ZFP69: variants seen among roughly 807,000 people sequenced by gnomAD.
ZFP69 encodes zinc finger protein 69 homolog.
Under a neutral mutation model 48.9 loss-of-function variants are expected in ZFP69, and 35 were observed. That is an observed-to-expected ratio of 0.72 (90% confidence interval 0.55 to 0.95). The LOEUF (loss-of-function observed/expected upper bound fraction) is 0.95. Among genes scored for constraint, ZFP69 ranks in the 40% least tolerant of loss-of-function variants. The pLI, the probability that ZFP69 is intolerant of heterozygous loss-of-function variation, is 0.00. For missense variants in ZFP69, 557 were observed against 638.4 expected (o/e 0.87, Z 1.37); for synonymous variants, 193 against 216.8 (o/e 0.89, Z 0.96).
intron 4 of ZFP69, 114 bp downstream of exon 4, chr1:40,489,328 G>A (rs1645538923): frequency 1.4e-6 from 2 of 1,408,912 alleles, no homozygotes; most frequent in East Asian, 2.3e-5. Context: ...TATTAAAGAT[G>A]TCTTATTCCC....
At position 40,494,813 on chromosome 1, in the gene ZFP69, A is replaced by G; in HGVS notation, c.443-108A>G. On this transcript the variant is annotated intron_variant, in intron 5 of 5. Coordinates refer to ENST00000372706, the MANE Select transcript of ZFP69 (RefSeq NM_001320179.2). ...TTACCTCTCCAAGCAGCATAATCAT[A>G]TTTAAATATAGTCAAAATCTCATGC... The G allele has an allele frequency of 1.6e-5, 16 of 975,182 alleles. 1 individual carries two copies. In the South Asian group the frequency reaches 3.0e-4, roughly 18 times the overall value. 60.4% of individuals were successfully genotyped at this position (975,182 alleles called of 1,614,324 possible).
chr1:40,483,351 T>C (rs750013978), intron 3 of ZFP69, among the ~76,000 whole-genome samples: 6 of 150,940 alleles, frequency 4.0e-5, no homozygotes, highest in Non-Finnish European at 5.9e-5. Flanking sequence ...TGCCTAAGCC[T>C]CCCAAGTAGC....
At position 40,491,763 on chromosome 1, in the gene ZFP69, A is replaced by ATATATGTGTG. The variant is rs1553129548; in HGVS notation, c.442+2140_442+2141insATATGTGTGT. Among the ~76,000 whole-genome samples, 4 of 129,448 alleles carry ATATATGTGTG rather than the reference A, an allele frequency of 3.1e-5. No individual in the cohort carries two copies. The East Asian group carries it at 8.8e-4, about 29-fold the overall frequency. The allele number at this position is 129,448 out of a possible 152,430, so 84.9% of individuals were successfully genotyped here. A position where few individuals can be genotyped will look rare whatever the true frequency, so the allele number is the denominator to read the frequency against. ...TTGGTAGAAAAAAATGTGTGTGTGT[A>ATATATGTGTG]TGTGTGTGTGTGTGTGTGTGTGTAT... is the stretch of plus-strand genomic sequence containing the variant. On this transcript the variant is annotated intron_variant, in intron 5 of 5. Transcript: ENST00000372706.
intron 2 of ZFP69, among the ~76,000 whole-genome samples, chr1:40,479,694 C>T (rs1645425438): frequency 1.3e-5 from 2 of 152,116 alleles, no homozygotes; most frequent in South Asian, 4.1e-4. Context: ...CTGCTCTCAT[C>T]TCCCATCTTC....
intron 3 of ZFP69, among the ~76,000 whole-genome samples, chr1:40,484,373 A>G (rs1209340794): frequency 2.0e-5 from 3 of 147,910 alleles, no homozygotes; most frequent in Non-Finnish European, 4.5e-5. Context: ...CTAATTTTGT[A>G]TTTTTAGTAG....
chr1:40,490,426 T>C (rs1167014586), intron 5 of ZFP69, among the ~76,000 whole-genome samples: 1 of 152,184 alleles, frequency 6.6e-6, no homozygotes, highest in African/African-American at 2.4e-5. Flanking sequence ...CTCAGACCAC[T>C]GGACAGAGCC....
intron 3 of ZFP69, among the ~76,000 whole-genome samples, 172 bp from the exon 4 acceptor site, chr1:40,488,916 C>T (rs1645533738): frequency 6.6e-6 from 1 of 152,072 alleles, no homozygotes; most frequent in Admixed American, 6.6e-5. Flanking sequence ...GACTACAGTT[C>T]CAGACAGTTT....
rs10789144 is a variant in ZFP69, at chr1:40,489,484, A to T, written c.347-45A>T. On this transcript the variant is annotated intron_variant, in intron 4 of 5. Coordinates refer to ENST00000372706, the MANE Select transcript of ZFP69 (RefSeq NM_001320179.2). ...TCAAAATTCTGAGGATGGTTCTTAGACATCAGCATAAACATTCACACTGTT... is the reference window on the plus strand; with the variant it reads ...TCAAAATTCTGAGGATGGTTCTTAGTCATCAGCATAAACATTCACACTGTT... The T allele has an allele frequency of 0.48, 740,312 of 1,533,772 alleles. 190,636 individuals carry two copies. The highest frequency in any genetic ancestry group is 0.54 in the Non-Finnish European group (599,507 of 1,118,000).
intron 3 of ZFP69, among the ~76,000 whole-genome samples, chr1:40,487,826 C>T (rs1645517335): frequency 6.6e-6 from 1 of 151,658 alleles, no homozygotes; most frequent in Non-Finnish European, 1.5e-5. Context: ...GTGGGCGAAT[C>T]ACCTGAGGCC....
intron 2 of ZFP69, among the ~76,000 whole-genome samples, chr1:40,480,883 C>G (rs1645436691): frequency 6.6e-6 from 1 of 152,180 alleles, no homozygotes; most frequent in African/African-American, 2.4e-5. Flanking sequence ...AGAAACTAAA[C>G]TGGAAGGAGT....
rs765067057 is a variant in ZFP69, at chr1:40,495,432, GA to G, written c.955del (p.Arg319GlufsTer56). On this transcript the variant is annotated frameshift_variant, in exon 6 of 6. Transcript: ENST00000372706. LOFTEE classifies it high-confidence loss of function. The stretch of plus-strand genomic sequence containing the variant: ...AAAGTGCATCCCTCAGTACACACCA[GA>G]GAATCCATACTGGTGAGAAACCCTT... ...SQSASLSTHQRIHTGEKPFEC... is the reference protein window; with the variant it reads ...SQSASLSTHQXIHTGEKPFEC... 6.2e-7 allele frequency: 1 copy of G among 1,614,076 alleles called. No individual in the cohort carries two copies. The highest frequency in any genetic ancestry group is 8.5e-7 in the Non-Finnish European group (1 of 1,180,030).
chr1:40,495,650 C>T lies in ZFP69; in HGVS notation c.1172C>T (p.Thr391Ile). The change falls in exon 6 of 6, where the codon ACC (threonine) becomes ATC (isoleucine). Residue 391 changes from threonine (T) to isoleucine (I), a missense_variant. Transcript: ENST00000372706. Reference protein sequence around the residue: ...KPFTCNECGKTFRQIRHLSEH... With the variant: ...KPFTCNECGKIFRQIRHLSEH... ...TTTACTTGCAATGAATGTGGGAAAA[C>T]CTTTAGACAGATTAGACACCTTAGT... 1 of 1,614,186 alleles carries T rather than the reference C, an allele frequency of 6.2e-7. No individual in the cohort carries two copies. The highest frequency in any genetic ancestry group is 2.2e-5 in the East Asian group (1 of 44,878).
At chr1:40,479,666 T>G (rs537961023) in intron 2 of ZFP69, among the ~76,000 whole-genome samples, 178 bp downstream of exon 2, 6 of 152,288 alleles carry the variant, frequency 3.9e-5, no homozygotes, top group Admixed American at 3.9e-4. Flanking sequence ...ATGGACTCCT[T>G]GTGACACGTG....
At position 40,489,595 on chromosome 1, in the gene ZFP69, A is replaced by G; in HGVS notation, c.413A>G (p.Glu138Gly). 1 of 1,613,872 alleles carries G rather than the reference A, an allele frequency of 6.2e-7. No individual in the cohort carries two copies. Among genetic ancestry groups the G allele is most frequent in the Non-Finnish European group, 8.5e-7 (1 of 1,179,950 alleles). Residue 138 changes from glutamate to glycine, a missense_variant, in exon 5 of 6, where the codon GAG (glutamate) becomes GGG (glycine). Transcript: ENST00000372706. Reference sequence around the variant, plus strand: ...AAAGGAGAAGAGCCATGGATGGCAGAGAAAGAAGGCCCAGGAGATCCCAGT... The same window carrying G: ...AAAGGAGAAGAGCCATGGATGGCAGGGAAAGAAGGCCCAGGAGATCCCAGT... ...LEKGEEPWMA[E>G]KEGPGDPSSD...
At chr1:40,494,360 C>G (rs1017554789) in intron 5 of ZFP69, among the ~76,000 whole-genome samples, 15 of 141,590 alleles carry the variant, frequency 1.1e-4, no homozygotes, top group Non-Finnish European at 1.8e-4. Context: ...GCTCCGCCTC[C>G]CGGGTTCACG....
intron 5 of ZFP69, among the ~76,000 whole-genome samples, chr1:40,492,764 T>A (rs1404215007): frequency 6.6e-6 from 1 of 152,238 alleles, no homozygotes; most frequent in Non-Finnish European, 1.5e-5. Flanking sequence ...TTTATTGATA[T>A]TTCCTAATTT....
At chr1:40,492,075 C>A (rs1280841119) in intron 5 of ZFP69, among the ~76,000 whole-genome samples, 1 of 152,100 alleles carries the variant, frequency 6.6e-6, no homozygotes, top group Non-Finnish European at 1.5e-5. Flanking sequence ...GTTGCCCAAG[C>A]TGGCCTCGAA....
chr1:40,494,606 TATAA>T (rs557594039), intron 5 of ZFP69, among the ~76,000 whole-genome samples: 3,608 of 146,884 alleles, frequency 0.025, 142 homozygotes, highest in African/African-American at 0.085. Flanking sequence ...TTGATATATT[TATAA>T]ATATTTTATA....
In ZFP69 at chr1:40,495,680, A is replaced by G; in HGVS notation, c.1202A>G (p.His401Arg). The stretch of plus-strand genomic sequence containing the variant: ...AGACAGATTAGACACCTTAGTGAAC[A>G]TATAAGAATTCATACCGGGGAGAAG... ...TFRQIRHLSE[H>R]IRIHTGEKPY... The change falls in exon 6 of 6, where the codon CAT (histidine) becomes CGT (arginine). Residue 401 changes from histidine to arginine, a missense_variant. Transcript: ENST00000372706. The G allele has an allele frequency of 6.2e-7, 1 of 1,614,256 alleles. No homozygotes were observed. The highest frequency in any genetic ancestry group is 8.5e-7 in the Non-Finnish European group (1 of 1,180,046).
Sources: allele counts gnomAD v4.1 joint callset (sites outside exome capture counted in the v4.1 genomes callset), GRCh38; gene constraint gnomAD v4.1.1; transcripts MANE v1.5; gene names NCBI Gene and HGNC (gene_info 2026-07-23, HGNC 2026-07-21).